Variants in MAP3K13 observed in about 807,000 individuals in gnomAD.
The protein encoded by MAP3K13 is mitogen-activated protein kinase kinase kinase 13.
A neutral mutation model predicts 104.0 loss-of-function variants in MAP3K13; 52 were observed. That is an observed-to-expected ratio of 0.50 (90% confidence interval 0.40 to 0.63). The LOEUF (loss-of-function observed/expected upper bound fraction) is 0.63. Ranked by LOEUF, MAP3K13 falls within the 20% of genes least tolerant of loss-of-function variation. The pLI is 0.00. For missense variants in MAP3K13, 914 were observed against 1,218.5 expected, an observed-to-expected ratio of 0.75 and a Z score of 3.72; for synonymous variants, 394 against 442.2, an observed-to-expected ratio of 0.89 and a Z score of 1.37.
Position 185,406,412 on chromosome 3 carries a change from T to TG in MAP3K13, c.-85-22084dup, listed in dbSNP as rs1031508570. Among the ~76,000 whole-genome samples the TG allele has an allele frequency of 8.5e-5, 13 of 152,346 alleles. 2 individuals carry two copies. In the South Asian group the frequency reaches 1.9e-3, roughly 22 times the overall value. On this transcript the variant is annotated intron_variant, in intron 1 of 13. Transcript: ENST00000265026. ...AACTCTCAAACTAAATTCTAGCTAT[T>TG]GTGCAATTTAAGTCTTCTCTCTTGA... is the stretch of plus-strand genomic sequence containing the variant.
At chr3:185,403,353 T>C (rs768387836) in intron 1 of MAP3K13, among the ~76,000 whole-genome samples, 1 of 152,236 alleles carries the variant, frequency 6.6e-6, no homozygotes, top group African/African-American at 2.4e-5. Flanking sequence ...CACTAACATT[T>C]ATGAAAACTT....
intron 2 of MAP3K13, among the ~76,000 whole-genome samples, chr3:185,324,981 C>T (rs564022612): frequency 3.0e-4 from 45 of 152,304 alleles, no homozygotes; most frequent in African/African-American, 1.0e-3. Context: ...GCTGATCAAA[C>T]ATGTGCACCC....
intron 2 of MAP3K13, among the ~76,000 whole-genome samples, chr3:185,296,028 G>A (rs933204704): frequency 6.6e-6 from 1 of 152,146 alleles, no homozygotes; most frequent in African/African-American, 2.4e-5. Context: ...GATTGCTTGA[G>A]GCCAGGAGTT....
At chr3:185,308,612 C>G (rs1156475883) in intron 2 of MAP3K13, among the ~76,000 whole-genome samples, 2 of 152,206 alleles carry the variant, frequency 1.3e-5, no homozygotes, top group Non-Finnish European at 2.9e-5. Flanking sequence ...AGCTGCTGAA[C>G]TCTCCGCTGT....
chr3:185,364,670 T>C (rs1723788220), intron 1 of MAP3K13, among the ~76,000 whole-genome samples: 1 of 152,226 alleles, frequency 6.6e-6, no homozygotes, highest in South Asian at 2.1e-4. Flanking sequence ...CATTGTCTTT[T>C]GTTTCTCATC....
chr3:185,417,642 A>T, intron 1 of MAP3K13: 1 of 1,611,588 alleles, frequency 6.2e-7, no homozygotes, highest in Non-Finnish European at 8.5e-7. Context: ...TTCCTTTCTT[A>T]CCTACCACAG....
At chr3:185,459,892 G>A (rs968313812) in intron 7 of MAP3K13, among the ~76,000 whole-genome samples, 16 of 151,974 alleles carry the variant, frequency 1.1e-4, no homozygotes, top group South Asian at 8.3e-4. Context: ...CACCACCCCC[G>A]GTAATCTCTA....
At chr3:185,455,213 GAT>G (rs1377399740) in intron 7 of MAP3K13, among the ~76,000 whole-genome samples, 1,435 of 69,412 alleles carry the variant, frequency 0.021, 67 homozygotes, top group South Asian at 0.037. Flanking sequence ...ATATATATGA[GAT>G]ATATATATGA....
chr3:185,317,700 C>T (rs1336397227), intron 2 of MAP3K13, among the ~76,000 whole-genome samples: 1 of 152,150 alleles, frequency 6.6e-6, no homozygotes, highest in East Asian at 1.9e-4. Context: ...GTATAATTGA[C>T]CCTACATCGT....
At chr3:185,364,364 G>C (rs1054474117) in intron 1 of MAP3K13, among the ~76,000 whole-genome samples, 1 of 152,092 alleles carries the variant, frequency 6.6e-6, no homozygotes, top group Non-Finnish European at 1.5e-5. Context: ...TCCTCAACCC[G>C]AATAATCTGA....
chr3:185,419,995 A>AT (rs1260781046), intron 1 of MAP3K13, among the ~76,000 whole-genome samples: 1 of 152,146 alleles, frequency 6.6e-6, no homozygotes, highest in East Asian at 1.9e-4. Context: ...TCAAAAGGTA[A>AT]TTTGTCACCA....
At chr3:185,390,806 T>C (rs371171842) in intron 1 of MAP3K13, among the ~76,000 whole-genome samples, 92 of 16,192 alleles carry the variant, frequency 5.7e-3, no homozygotes, top group African/African-American at 0.036. Flanking sequence ...GTATTTTTGG[T>C]AGAGATGGGG....
At chr3:185,449,265 T>C (rs962942693) in intron 5 of MAP3K13, among the ~76,000 whole-genome samples, 2 of 150,610 alleles carry the variant, frequency 1.3e-5, no homozygotes, top group African/African-American at 4.9e-5. Flanking sequence ...CCCAGCTACT[T>C]GGGAGGCTCA....
intron 1 of MAP3K13, among the ~76,000 whole-genome samples, chr3:185,373,030 C>A (rs138343159): frequency 1.3e-5 from 2 of 152,232 alleles, no homozygotes; most frequent in South Asian, 4.2e-4. Context: ...TTTACATTGA[C>A]AAATAGTTAT....
intron 2 of MAP3K13, among the ~76,000 whole-genome samples, chr3:185,339,535 G>A (rs2108718184): frequency 6.6e-6 from 1 of 152,318 alleles, no homozygotes; most frequent in African/African-American, 2.4e-5. Flanking sequence ...CTGTGACTGT[G>A]ATGCATGCTA....
At chr3:185,352,583 T>A (rs1182031618) in intron 2 of MAP3K13, among the ~76,000 whole-genome samples, 1 of 152,228 alleles carries the variant, frequency 6.6e-6, no homozygotes, top group Admixed American at 6.5e-5. Flanking sequence ...TAAAACAATT[T>A]TTATTTTCCT....
intron 7 of MAP3K13, among the ~76,000 whole-genome samples, chr3:185,460,058 TG>T (rs1717009736): frequency 6.6e-6 from 1 of 152,240 alleles, no homozygotes; most frequent in African/African-American, 2.4e-5. Flanking sequence ...TTACTTTTTA[TG>T]GCTAAATAAT....
intron 2 of MAP3K13, among the ~76,000 whole-genome samples, chr3:185,313,269 GT>G (rs34876743): frequency 0.59 from 69,091 of 116,398 alleles, 18,831 homozygotes; most frequent in Middle Eastern, 0.68. Context: ...AATAGTACAA[GT>G]TTTTTTTTTT....
intron 2 of MAP3K13, among the ~76,000 whole-genome samples, chr3:185,305,984 A>G (rs1017441086): frequency 6.6e-6 from 1 of 152,050 alleles, no homozygotes; most frequent in Admixed American, 6.6e-5. Flanking sequence ...CTTTATGTCT[A>G]TGTGTACCCA....
Sources: gnomAD v4.1 joint callset for allele counts (sites outside exome capture counted in the v4.1 genomes callset) on GRCh38, gnomAD v4.1.1 for gene constraint, MANE v1.5 for transcripts, NCBI Gene and HGNC (gene_info 2026-07-23, HGNC 2026-07-21) for gene names.